Variants in BMERB1 observed in about 807,000 individuals in gnomAD.
BMERB1 encodes the protein bMERB domain-containing protein 1.
Under a neutral mutation model 23.6 loss-of-function variants are expected in BMERB1, and 12 were observed. That is an observed-to-expected ratio of 0.51 (90% confidence interval 0.33 to 0.82). The LOEUF is 0.82. Among genes scored for constraint, BMERB1 ranks in the 40% least tolerant of loss-of-function variants. BMERB1 has a pLI of 0.03. For missense variants in BMERB1, 247 were observed against 255.4 expected (o/e 0.97, Z 0.22); for synonymous variants, 122 against 96.6 (o/e 1.26, Z -1.54).
intron 3 of BMERB1, among the ~76,000 whole-genome samples, chr16:15,573,465 T>G (rs1270677846): frequency 1.3e-5 from 2 of 152,022 alleles, no homozygotes; most frequent in East Asian, 3.9e-4. Flanking sequence ...GAGTGCTGAT[T>G]GGTTGGGTCG....
At chr16:15,435,471 A>T (rs1168639234) in intron 1 of BMERB1, among the ~76,000 whole-genome samples, 2 of 152,196 alleles carry the variant, frequency 1.3e-5, no homozygotes, top group Non-Finnish European at 2.9e-5. Context: ...TTTTTCATTA[A>T]TAGGATACAA....
intron 2 of BMERB1, among the ~76,000 whole-genome samples, chr16:15,526,006 A>G (rs937615588): frequency 1.3e-5 from 2 of 152,174 alleles, no homozygotes; most frequent in Non-Finnish European, 2.9e-5. Context: ...CAGTAGCTTC[A>G]TGTGGCTATT....
At chr16:15,551,130 G>C (rs1367392906) in intron 2 of BMERB1, among the ~76,000 whole-genome samples, 1 of 152,188 alleles carries the variant, frequency 6.6e-6, no homozygotes, top group Non-Finnish European at 1.5e-5. Flanking sequence ...TGTTTAATTG[G>C]ATTTCTCCAG....
chr16:15,539,711 T>A (rs984654358), intron 2 of BMERB1, among the ~76,000 whole-genome samples: 3 of 151,710 alleles, frequency 2.0e-5, no homozygotes, highest in African/African-American at 7.3e-5. Context: ...GGCGTGGTGG[T>A]GCACACCTGT....
In BMERB1 at chr16:15,582,460, T is replaced by G. The variant is rs185780290; in HGVS notation, c.420-696T>G. 5.2e-3 allele frequency among the ~76,000 whole-genome samples: 788 copies of G among 152,128 alleles called. 3 individuals are homozygous for G. The highest frequency in any genetic ancestry group is 7.4e-3 in the Non-Finnish European group (506 of 67,988). ...CAACAAATATTATATTCTCCTTACCTCCGGTTCTGCTTCCAGATCTAGAAG... is the reference window on the plus strand; with the variant it reads ...CAACAAATATTATATTCTCCTTACCGCCGGTTCTGCTTCCAGATCTAGAAG... On this transcript the variant is annotated intron_variant, in intron 4 of 5. Transcript: ENST00000300006.
intron 1 of BMERB1, among the ~76,000 whole-genome samples, chr16:15,464,111 G>A (rs928688566): frequency 6.6e-6 from 1 of 150,590 alleles, no homozygotes; most frequent in Non-Finnish European, 1.5e-5. Context: ...TCAGGAGTTC[G>A]AGACCAGCCT....
chr16:15,539,034 G>A (rs1026614386), intron 2 of BMERB1, among the ~76,000 whole-genome samples: 16 of 152,120 alleles, frequency 1.1e-4, no homozygotes, highest in Admixed American at 9.2e-4. Flanking sequence ...TGATTCAAGT[G>A]CATTACATTT....
intron 2 of BMERB1, among the ~76,000 whole-genome samples, chr16:15,545,122 G>A (rs987892725): frequency 7.2e-5 from 11 of 152,084 alleles, no homozygotes; most frequent in South Asian, 2.1e-4. Context: ...ATAGGCACCC[G>A]CCACCACGCC....
At chr16:15,525,870 GT>G (rs2051900561) in intron 2 of BMERB1, among the ~76,000 whole-genome samples, 1 of 152,124 alleles carries the variant, frequency 6.6e-6, no homozygotes, top group African/African-American at 2.4e-5. Context: ...GACCTAGCAA[GT>G]TGGATAAAAT....
intron 2 of BMERB1, among the ~76,000 whole-genome samples, chr16:15,538,819 G>A (rs1205234066): frequency 1.3e-5 from 2 of 152,080 alleles, no homozygotes; most frequent in Middle Eastern, 3.2e-3. Flanking sequence ...CTTGCTGCCC[G>A]ACACAGTTAA....
intron 3 of BMERB1, 83 bp from the exon 4 acceptor site, chr16:15,581,134 C>A: frequency 2.0e-6 from 2 of 988,428 alleles, no homozygotes; most frequent in South Asian, 3.2e-5. Flanking sequence ...CCAGGCTGGT[C>A]TGAAACTCCT....
intron 1 of BMERB1, among the ~76,000 whole-genome samples, chr16:15,469,379 A>G (rs2051210715): frequency 1.3e-5 from 2 of 152,192 alleles, no homozygotes. Context: ...ACAGTAACAC[A>G]GTCTTGTTAA....
At chr16:15,539,194 T>A (rs573997506) in intron 2 of BMERB1, among the ~76,000 whole-genome samples, 1 of 151,866 alleles carries the variant, frequency 6.6e-6, no homozygotes, top group African/African-American at 2.4e-5. Flanking sequence ...GAGTGGCAGA[T>A]CATCAGGCAT....
chr16:15,554,792 A>G (rs2030204403), intron 2 of BMERB1, among the ~76,000 whole-genome samples: 3 of 151,444 alleles, frequency 2.0e-5, no homozygotes, highest in South Asian at 2.1e-4. Context: ...TCAGCCTCCC[A>G]AGTAGCTGGG....
chr16:15,475,092 G>A (rs2051264087), intron 1 of BMERB1, among the ~76,000 whole-genome samples: 1 of 152,154 alleles, frequency 6.6e-6, no homozygotes, highest in Non-Finnish European at 1.5e-5. Flanking sequence ...CACTTTCCTA[G>A]AAAATATGAG....
intron 1 of BMERB1, among the ~76,000 whole-genome samples, chr16:15,449,763 C>T (rs2051025297): frequency 6.6e-6 from 1 of 152,000 alleles, no homozygotes; most frequent in Admixed American, 6.6e-5. Flanking sequence ...TCAGACTGGT[C>T]TCGAACTCCT....
intron 1 of BMERB1, among the ~76,000 whole-genome samples, chr16:15,443,861 G>A (rs2050962661): frequency 6.6e-6 from 1 of 151,928 alleles, no homozygotes; most frequent in Non-Finnish European, 1.5e-5. Context: ...AGAGGTTGCA[G>A]AGATTGCACC....
rs562354420 is a variant in BMERB1 at position 15,445,309 on chromosome 16, CAGTACATGATACATGTT to C, written c.106+10551_106+10567del. 3.6e-3 allele frequency among the ~76,000 whole-genome samples: 550 copies of C among 152,220 alleles called. 4 individuals carry two copies. Among genetic ancestry groups the C allele is most frequent in the African/African-American group, 0.013 (523 of 41,528 alleles). On this transcript the variant is annotated intron_variant, in intron 1 of 5. Coordinates refer to ENST00000300006, the MANE Select transcript of BMERB1 (RefSeq NM_033201.3). Reference sequence around the variant, plus strand: ...ATTGGAAATCATTCAATACAGAGGTCAGTACATGATACATGTTTAGTAAATGTTAATTATTATATTAT... The same window carrying C: ...ATTGGAAATCATTCAATACAGAGGTCTAGTAAATGTTAATTATTATATTAT...
intron 3 of BMERB1, among the ~76,000 whole-genome samples, chr16:15,580,400 A>T (rs2030977597): frequency 6.6e-6 from 1 of 151,812 alleles, no homozygotes; most frequent in Non-Finnish European, 1.5e-5. Context: ...CACTATGCCC[A>T]GCCCATTACT....
Sources: allele counts gnomAD v4.1 joint callset (sites outside exome capture counted in the v4.1 genomes callset), GRCh38; gene constraint gnomAD v4.1.1; transcripts MANE v1.5; gene names NCBI Gene and HGNC (gene_info 2026-07-23, HGNC 2026-07-21).